PHOX2B: variants seen among roughly 807,000 people sequenced by gnomAD.
PHOX2B encodes the protein paired mesoderm homeobox protein 2B.
PHOX2B carries 1 observed loss-of-function variant against 15.5 expected under a neutral mutation model. That is an observed-to-expected ratio of 0.06 (90% CI 0.02 to 0.31). The LOEUF (loss-of-function observed/expected upper bound fraction) is 0.31, where lower values mean the gene tolerates loss of function less well. PHOX2B is among the 10% of genes least tolerant of loss of function. The pLI is 1.00. For synonymous variants in PHOX2B, 206 were observed against 190.5 expected (o/e 1.08, Z -0.67); for missense variants, 314 against 436.4 (o/e 0.72, Z 2.50).
At chr4:41,747,726 ACTTCGGG>A (rs1328246842) in intron 1 of PHOX2B, 190 bp from the exon 2 acceptor site, 42 of 702,456 alleles carry the variant, frequency 6.0e-5, no homozygotes, top group Non-Finnish European at 1.0e-4. Context: ...CTGGGCTCAA[ACTTCGGG>A]CTTGGCGGAG....
chr4:41,747,641 T>C (rs752069553), intron 1 of PHOX2B, 105 bp from the exon 2 acceptor site: 2 of 903,134 alleles, frequency 2.2e-6, no homozygotes, highest in East Asian at 4.8e-5. Flanking sequence ...CGGCAGCCGC[T>C]ACCTACACCC....
At chr4:41,747,731 G>C (rs368746294) in intron 1 of PHOX2B, 195 bp from the exon 2 acceptor site, 5 of 701,116 alleles carry the variant, frequency 7.1e-6, no homozygotes, top group Non-Finnish European at 2.6e-6. Flanking sequence ...CTCAAACTTC[G>C]GGCTTGGCGG....
In PHOX2B at chr4:41,747,475, G is replaced by T; in HGVS notation, c.303C>A (p.Ile101=). 1 of 1,611,356 alleles carries T rather than the reference G, an allele frequency of 6.2e-7. No homozygotes were observed. The highest frequency in any genetic ancestry group is 1.6e-4 in the Middle Eastern group (1 of 6,062). The part of the protein sequence containing the change: ...GLNEKRKQRR[I]RTTFTSAQLK... ...GCTGGGCACTGGTGAAAGTGGTGCG[G>T]ATGCGCCGCTGCTTGCGCTTCTCGT... The change falls in exon 2 of 3, where the codon ATC becomes ATA. Residue 101 remains isoleucine (I), a synonymous_variant. Coordinates refer to ENST00000226382, the MANE Select transcript of PHOX2B (RefSeq NM_003924.4).
Position 41,748,687 on chromosome 4 carries a change from G to A in PHOX2B, c.-77C>T. 3 of 1,414,806 alleles carry A rather than the reference G, an allele frequency of 2.1e-6. No individual in the cohort carries two copies. The highest frequency in any genetic ancestry group is 1.8e-4 in the Middle Eastern group (1 of 5,630). 87.6% of individuals were successfully genotyped at this position (1,414,806 alleles called of 1,614,324 possible). A position where few individuals can be genotyped will look rare whatever the true frequency, so the allele number is the denominator to read the frequency against. On this transcript the variant is annotated 5_prime_UTR_variant, in exon 1 of 3. Coordinates refer to ENST00000226382, the MANE Select transcript of PHOX2B (RefSeq NM_003924.4). ...ATATGGAGAAGGTGGCTGGAGTGGG[G>A]AGATGTGCACAGCTCAACGCCTGCC...
chr4:41,747,652 G>C (rs747952335), intron 1 of PHOX2B, 116 bp from the exon 2 acceptor site: 3 of 822,938 alleles, frequency 3.6e-6, no homozygotes, highest in Non-Finnish European at 4.2e-6. Flanking sequence ...ACCTACACCC[G>C]CGCGAGAGAG....
Position 41,745,900 on chromosome 4 carries a change from C to G in PHOX2B, c.852G>C (p.Pro284=), listed in dbSNP as rs773785668. The change falls in exon 3 of 3, where the codon CCG becomes CCC. Residue 284 remains proline, a synonymous_variant. Coordinates refer to ENST00000226382, the MANE Select transcript of PHOX2B (RefSeq NM_003924.4). This position sits in a 1 kb window ranked among gnomAD's most constrained non-coding sequence, Gnocchi z 4.0. ...APGPGPITSI[P]DSLGGPFASV... is the part of the protein sequence containing the mutation. ...TGGCGAAGGGACCCCCAAGCGAATC[C>G]GGGATGGAGGTGATGGGGCCGGGGC... 3.7e-6 allele frequency: 6 copies of G among 1,607,318 alleles called. No homozygotes were observed. The South Asian group carries it at 5.5e-5, about 15-fold the overall frequency.
At chr4:41,747,620 G>A (rs753348813) in intron 1 of PHOX2B, 84 bp from the exon 2 acceptor site, 2 of 1,164,806 alleles carry the variant, frequency 1.7e-6, no homozygotes, top group Admixed American at 1.7e-5. Flanking sequence ...GGACTCCAAG[G>A]TCAGGTCATA....
chr4:41,748,040 AAAAG>A (rs1308093826), intron 1 of PHOX2B, among the ~76,000 whole-genome samples: 3 of 152,242 alleles, frequency 2.0e-5, no homozygotes, highest in Admixed American at 6.5e-5. Context: ...GGTTCTTAAA[AAAAG>A]AGACACTGCC....
chr4:41,745,700 G>T lies in PHOX2B; in HGVS notation c.*107C>A. 1 of 1,395,122 alleles carries T rather than the reference G, an allele frequency of 7.2e-7. No individual in the cohort carries two copies. The highest frequency in any genetic ancestry group is 9.6e-7 in the Non-Finnish European group (1 of 1,039,300). 86.4% of individuals were successfully genotyped at this position (1,395,122 alleles called of 1,614,324 possible). ...TTTAGGCCCTCAATGAAAAAGCCATGGCAGCAGCGACGACAATAGCCTTGG... is the reference window on the plus strand; with the variant it reads ...TTTAGGCCCTCAATGAAAAAGCCATTGCAGCAGCGACGACAATAGCCTTGG... On this transcript the variant is annotated 3_prime_UTR_variant, in exon 3 of 3. Coordinates refer to ENST00000226382, the MANE Select transcript of PHOX2B (RefSeq NM_003924.4). The surrounding 1 kb of genome is among the most constrained non-coding windows in gnomAD (Gnocchi z 4.0).
At position 41,746,043 on chromosome 4, in the gene PHOX2B, C is replaced by G. The variant is rs1256766962; in HGVS notation, c.709G>C (p.Gly237Arg). The change falls in exon 3 of 3, where the codon GGC becomes CGC. Residue 237 changes from glycine (G) to arginine (R), a missense_variant. This residue lies in a region of PHOX2B where 157 missense variants were observed against 169.0 expected (regional missense o/e 0.93). Coordinates refer to ENST00000226382, the MANE Select transcript of PHOX2B (RefSeq NM_003924.4). ...GCCGCTGCTGCTGCGCCGCCCTTGC[C>G]GGGTTCGCCTCCCGGGCCCCCGGGC... The part of the protein sequence containing the change: ...AGPGGPGGEP[G>R]KGGAAAAAAA... 1 of 1,282,154 alleles carries G rather than the reference C, an allele frequency of 7.8e-7. No homozygotes were observed. The highest frequency in any genetic ancestry group is 1.6e-5 in the African/African-American group (1 of 62,978). 79.4% of individuals were successfully genotyped at this position (1,282,154 alleles called of 1,614,324 possible).
chr4:41,747,585 C>A (rs1379292251), intron 1 of PHOX2B, 49 bp from the exon 2 acceptor site: 1 of 1,514,136 alleles, frequency 6.6e-7, no homozygotes, highest in Admixed American at 1.7e-5. Flanking sequence ...GCCGGCAGCT[C>A]GCCGGCCGTG....
intron 1 of PHOX2B, 43 bp downstream of exon 1, chr4:41,748,327 C>A (rs750520429): frequency 3.7e-5 from 59 of 1,609,916 alleles, no homozygotes; most frequent in Admixed American, 5.0e-5. Flanking sequence ...TATATACGGG[C>A]GGAAAGGCGG....
In PHOX2B at chr4:41,745,718, A is replaced by G. The variant is rs1733861210; in HGVS notation, c.*89T>C. The G allele has an allele frequency of 1.3e-6, 2 of 1,488,564 alleles. No individual in the cohort carries two copies. The highest frequency in any genetic ancestry group is 9.0e-7 in the Non-Finnish European group (1 of 1,110,064). The allele number at this position is 1,488,564 out of a possible 1,614,324, so 92.2% of individuals were successfully genotyped here. Reference sequence around the variant, plus strand: ...AAGCCATGGCAGCAGCGACGACAATAGCCTTGGGCCTACCCGCTCGCCCAC... The same window carrying G: ...AAGCCATGGCAGCAGCGACGACAATGGCCTTGGGCCTACCCGCTCGCCCAC... On this transcript the variant is annotated 3_prime_UTR_variant, in exon 3 of 3. Coordinates refer to ENST00000226382, the MANE Select transcript of PHOX2B (RefSeq NM_003924.4). The surrounding 1 kb of genome is among the most constrained non-coding windows in gnomAD (Gnocchi z 4.0).
rs1377885128 is a variant in PHOX2B at position 41,746,191 on chromosome 4, G to T, written c.561C>A (p.Ala187=). 6.2e-7 allele frequency: 1 copy of T among 1,613,638 alleles called. No homozygotes were observed. The highest frequency in any genetic ancestry group is 8.5e-7 in the Non-Finnish European group (1 of 1,179,910). The change falls in exon 3 of 3, where the codon GCC becomes GCA. Residue 187 remains alanine (A), a synonymous_variant. Transcript: ENST00000226382. Reference sequence around the variant, plus strand: ...CAGTGCTGTCCGGGTCAGTGCTCTTGGCCTCTTTGCTCTCGTCGTCCCTGG... The same window carrying T: ...CAGTGCTGTCCGGGTCAGTGCTCTTTGCCTCTTTGCTCTCGTCGTCCCTGG... The part of the protein sequence containing the change: ...DSSRDDESKE[A]KSTDPDSTGG...
At position 41,747,228 on chromosome 4, in the gene PHOX2B, C is replaced by T. The variant is rs796072391; in HGVS notation, c.429+121G>A. The T allele has an allele frequency of 6.8e-5, 53 of 777,508 alleles. No homozygotes were observed. In the African/African-American group the frequency reaches 8.2e-4, roughly 12 times the overall value. The allele number at this position is 777,508 out of a possible 1,614,324, so 48.2% of individuals were successfully genotyped here. On this transcript the variant is annotated intron_variant, in intron 2 of 2. Coordinates refer to ENST00000226382, the MANE Select transcript of PHOX2B (RefSeq NM_003924.4). Reference sequence around the variant, plus strand: ...ACCAAATCCAGTATTTCTGATCGGCCATGGGGCCCTAGGTCCTTCTCACTC... The same window carrying T: ...ACCAAATCCAGTATTTCTGATCGGCTATGGGGCCCTAGGTCCTTCTCACTC...
Sources: gnomAD v4.1 joint callset for allele counts (sites outside exome capture counted in the v4.1 genomes callset) on GRCh38, gnomAD v4.1.1 for gene constraint, gnomAD v4.1.1 regional missense constraint, Gnocchi (gnomAD v3.1) non-coding constraint, MANE v1.5 for transcripts, NCBI Gene and HGNC (gene_info 2026-07-23, HGNC 2026-07-21) for gene names.